The following CADM2 variants were observed in gnomAD, a reference collection of about 807,000 sequenced individuals.
CADM2 encodes the protein immunoglobulin superfamily member 4D.
CADM2 carries 12 observed loss-of-function variants against 49.8 expected under a neutral mutation model. That is an observed-to-expected ratio of 0.24 (90% CI 0.15 to 0.39). The LOEUF (loss-of-function observed/expected upper bound fraction) is 0.39. CADM2 is among the 10% of genes least tolerant of loss of function. The pLI is 1.00. For synonymous variants in CADM2, 214 were observed against 175.4 expected (o/e 1.22, Z -1.74); for missense variants, 378 against 492.3 (o/e 0.77, Z 2.20).
intron 1 of CADM2, among the ~76,000 whole-genome samples, chr3:84,982,417 A>G (rs2032235835): frequency 6.6e-6 from 1 of 151,958 alleles, no homozygotes; most frequent in Non-Finnish European, 1.5e-5. Flanking sequence ...AACATAAACT[A>G]AATATCTGGA....
Position 85,990,151 on chromosome 3 carries a change from AT to A in CADM2, c.970+28511del, listed in dbSNP as rs953105439. Among the ~76,000 whole-genome samples, 4 of 150,972 alleles carry A rather than the reference AT, an allele frequency of 2.6e-5. No individual in the cohort carries two copies. The South Asian group carries it at 8.5e-4, about 32-fold the overall frequency. On this transcript the variant is annotated intron_variant, in intron 8 of 9. Coordinates refer to ENST00000383699, the MANE Select transcript of CADM2 (RefSeq NM_001167675.2). ...TCCAAATTAGATAGTTTCATTTAAGATTTTTTTGCCTTCACGATGGCACAAA... is the reference window on the plus strand; with the variant it reads ...TCCAAATTAGATAGTTTCATTTAAGATTTTTTGCCTTCACGATGGCACAAA...
At chr3:85,961,856 T>A (rs1258849615) in intron 8 of CADM2, among the ~76,000 whole-genome samples, 1 of 151,952 alleles carries the variant, frequency 6.6e-6, no homozygotes, top group Non-Finnish European at 1.5e-5. Context: ...CATAAAATTT[T>A]TTTTTGTAAA....
In CADM2 at chr3:85,377,862, G is replaced by A. The variant is rs1043433873; in HGVS notation, c.62-348660G>A. ...AAAATGTGGGCCCAGGGAGCGATGC[G>A]AATTACCATCAGAAAATCAAAATTC... is the stretch of plus-strand genomic sequence containing the variant. On this transcript the variant is annotated intron_variant, in intron 1 of 9. Transcript: ENST00000383699. 2.6e-5 allele frequency among the ~76,000 whole-genome samples: 4 copies of A among 152,030 alleles called. No individual in the cohort carries two copies. In the South Asian group the frequency reaches 6.2e-4, roughly 24 times the overall value.
At chr3:85,582,036 C>T (rs762779057) in intron 1 of CADM2, among the ~76,000 whole-genome samples, 14 of 152,208 alleles carry the variant, frequency 9.2e-5, no homozygotes, top group Admixed American at 5.9e-4. Context: ...AAGCAATTCT[C>T]CTGCCTCAGT....
At chr3:85,437,363 A>T (rs1346563722) in intron 1 of CADM2, among the ~76,000 whole-genome samples, 3 of 152,152 alleles carry the variant, frequency 2.0e-5, no homozygotes, top group Non-Finnish European at 4.4e-5. Context: ...CTTTGGGTAA[A>T]TGCCAAGAAG....
intron 1 of CADM2, among the ~76,000 whole-genome samples, chr3:85,417,709 T>C (rs1420093728): frequency 6.6e-6 from 1 of 152,172 alleles, no homozygotes; most frequent in Admixed American, 6.5e-5. Context: ...AAAGGTCTTA[T>C]ACAGATTCTT....
chr3:85,646,962 A>G (rs1365866194), intron 1 of CADM2, among the ~76,000 whole-genome samples: 1 of 151,744 alleles, frequency 6.6e-6, no homozygotes, highest in Non-Finnish European at 1.5e-5. Flanking sequence ...GTTTTTCTTT[A>G]TAATATATTC....
intron 1 of CADM2, among the ~76,000 whole-genome samples, chr3:85,464,109 G>T (rs1290307192): frequency 6.6e-6 from 1 of 152,066 alleles, no homozygotes; most frequent in Admixed American, 6.6e-5. Flanking sequence ...TTGAAGCTCT[G>T]AAAATAATTT....
At chr3:85,847,210 CA>C (rs1192676375) in intron 3 of CADM2, among the ~76,000 whole-genome samples, 1 of 152,178 alleles carries the variant, frequency 6.6e-6, no homozygotes, top group African/African-American at 2.4e-5. Context: ...GTATCACCAA[CA>C]AAATCTAGAA....
intron 2 of CADM2, among the ~76,000 whole-genome samples, chr3:85,790,040 G>C (rs1002285389): frequency 8.5e-5 from 13 of 152,190 alleles, no homozygotes; most frequent in African/African-American, 2.9e-4. Context: ...AGTGCTCTCT[G>C]AAGTTTGGGA....
intron 1 of CADM2, among the ~76,000 whole-genome samples, chr3:85,723,061 T>G (rs1008157991): frequency 1.3e-5 from 2 of 152,198 alleles, no homozygotes; most frequent in African/African-American, 4.8e-5. Context: ...TAAATAGCTA[T>G]GGTAATTATT....
chr3:85,165,537 A>G (rs2040450045), intron 1 of CADM2, among the ~76,000 whole-genome samples: 1 of 151,856 alleles, frequency 6.6e-6, no homozygotes, highest in South Asian at 2.1e-4. Flanking sequence ...TACATTTTTA[A>G]TATGTGTTTT....
intron 6 of CADM2, among the ~76,000 whole-genome samples, chr3:85,925,515 A>G (rs1168014636): frequency 6.6e-6 from 1 of 152,242 alleles, no homozygotes; most frequent in East Asian, 1.9e-4. Context: ...TAAACATCTT[A>G]GAAAAACACA....
intron 1 of CADM2, among the ~76,000 whole-genome samples, chr3:85,102,271 A>G (rs2038043969): frequency 6.6e-6 from 1 of 152,140 alleles, no homozygotes; most frequent in South Asian, 2.1e-4. Context: ...TAATCAATAA[A>G]CATTTGGGTC....
chr3:85,427,312 G>A (rs1371797001), intron 1 of CADM2, among the ~76,000 whole-genome samples: 1 of 151,414 alleles, frequency 6.6e-6, no homozygotes, highest in Non-Finnish European at 1.5e-5. Context: ...TAAACTGGGT[G>A]GAATGTGGTA....
At chr3:85,320,698 T>C (rs2044576237) in intron 1 of CADM2, among the ~76,000 whole-genome samples, 1 of 152,178 alleles carries the variant, frequency 6.6e-6, no homozygotes. Context: ...TTTTCCAATG[T>C]CAGCAATCCC....
At chr3:85,841,311 A>C (rs776014565) in intron 3 of CADM2, among the ~76,000 whole-genome samples, 3 of 151,834 alleles carry the variant, frequency 2.0e-5, no homozygotes, top group Non-Finnish European at 4.4e-5. Context: ...GTGTAATATA[A>C]GAGAGGTAGA....
intron 1 of CADM2, among the ~76,000 whole-genome samples, chr3:85,038,834 A>C (rs751870195): frequency 1.9e-4 from 29 of 152,210 alleles, no homozygotes; most frequent in Non-Finnish European, 3.1e-4. Context: ...GCCAAGATAA[A>C]AGAAAAAATA....
intron 1 of CADM2, among the ~76,000 whole-genome samples, chr3:85,723,686 G>A (rs544459627): frequency 9.5e-4 from 145 of 152,120 alleles, no homozygotes; most frequent in Middle Eastern, 6.8e-3. Context: ...CAATGTTTGA[G>A]AATTGTCAGT....
Sources: gnomAD v4.1 joint callset for allele counts (sites outside exome capture counted in the v4.1 genomes callset) on GRCh38, gnomAD v4.1.1 for gene constraint, MANE v1.5 for transcripts, NCBI Gene and HGNC (gene_info 2026-07-23, HGNC 2026-07-21) for gene names.